Variants in NEK10 observed in about 807,000 individuals in gnomAD.
The protein encoded by NEK10 is serine/threonine-protein kinase Nek10.
NEK10 carries 122 observed loss-of-function variants against 159.8 expected under a neutral mutation model. The ratio of observed to expected loss-of-function variants is 0.76; its 90% CI spans 0.66 to 0.89. The LOEUF is 0.89. Ranked by LOEUF, NEK10 falls within the 40% of genes least tolerant of loss-of-function variation. NEK10 has a pLI of 0.00. For missense variants in NEK10, 1,342 were observed against 1,323.1 expected, an observed-to-expected ratio of 1.01 and a Z score of -0.22; for synonymous variants, 466 against 457.1, an observed-to-expected ratio of 1.02 and a Z score of -0.25.
At chr3:27,131,318 T>G (rs1230716508) in intron 32 of NEK10, among the ~76,000 whole-genome samples, 1 of 152,206 alleles carries the variant, frequency 6.6e-6, no homozygotes, top group Non-Finnish European at 1.5e-5. Context: ...CAATATCAAG[T>G]TTTGTTAACC....
rs190414200 is a variant in NEK10, at chr3:27,304,238, T to G, written c.1028+509A>C. ...CTAGAGTTAGTAACATGGCAACCAC[T>G]TGATTAATGATATCATCTTTCAAAA... is the stretch of plus-strand genomic sequence containing the variant. On this transcript the variant is annotated intron_variant, in intron 12 of 35. Transcript: ENST00000691995. 3.3e-5 allele frequency among the ~76,000 whole-genome samples: 5 copies of G among 152,322 alleles called. No individual in the cohort carries two copies. In the East Asian group the frequency reaches 9.6e-4, roughly 29 times the overall value.
intron 30 of NEK10, among the ~76,000 whole-genome samples, chr3:27,153,847 G>A (rs1031212984): frequency 6.6e-6 from 1 of 151,980 alleles, no homozygotes; most frequent in African/African-American, 2.4e-5. Flanking sequence ...CAACTACATC[G>A]AAAAGACTGA....
intron 22 of NEK10, 102 bp downstream of exon 22, chr3:27,284,500 A>G (rs1285212154): frequency 8.6e-6 from 6 of 698,344 alleles, no homozygotes; most frequent in South Asian, 1.7e-5. Context: ...CAGCATAGAC[A>G]AAGAACATTC....
At position 27,218,877 on chromosome 3, in the gene NEK10, T is replaced by A. The variant is rs182223476; in HGVS notation, c.2091-16320A>T. ...GCCCAATGAAAGACATCTGCACAATTCTCAGGTAACATTGTGCTTCACGGT... is the reference window on the plus strand; with the variant it reads ...GCCCAATGAAAGACATCTGCACAATACTCAGGTAACATTGTGCTTCACGGT... On this transcript the variant is annotated intron_variant, in intron 23 of 35. Transcript: ENST00000691995. Among the ~76,000 whole-genome samples the A allele has an allele frequency of 1.3e-3, 194 of 152,158 alleles. 1 individual carries two copies. Among genetic ancestry groups the A allele is most frequent in the Non-Finnish European group, 2.1e-3 (140 of 67,994 alleles).
At chr3:27,231,782 G>T (rs192397726) in intron 23 of NEK10, among the ~76,000 whole-genome samples, 1 of 151,252 alleles carries the variant, frequency 6.6e-6, no homozygotes, top group South Asian at 2.1e-4. Context: ...ACAACTCTCC[G>T]AGATCAAATA....
Position 27,174,503 on chromosome 3 carries a change from A to T in NEK10, c.2712T>A (p.Asp904Glu). The change falls in exon 28 of 36, where the codon GAT becomes GAA. Residue 904 changes from aspartate to glutamate, a missense_variant. Asp to Glu is a conservative substitution (Grantham distance 45). Coordinates refer to ENST00000691995, the MANE Select transcript of NEK10 (RefSeq NM_001394966.1). ...TGGAGTTATCCGAAATGTCCAATTC[A>T]TCATCTACCTCTGAATATGTATCTG... ...AEKDTYSEVD[D>E]ELDISDNSSS... 1 of 1,612,298 alleles carries T rather than the reference A, an allele frequency of 6.2e-7. No individual in the cohort carries two copies. The highest frequency in any genetic ancestry group is 8.5e-7 in the Non-Finnish European group (1 of 1,179,594).
chr3:27,358,305 A>G (rs2048456268), intron 1 of NEK10, among the ~76,000 whole-genome samples: 1 of 152,206 alleles, frequency 6.6e-6, no homozygotes, highest in Admixed American at 6.5e-5. Flanking sequence ...TGTACACCTC[A>G]GTCATGGGAC....
At chr3:27,159,411 A>C (rs934613756) in intron 30 of NEK10, among the ~76,000 whole-genome samples, 3 of 152,178 alleles carry the variant, frequency 2.0e-5, no homozygotes, top group Non-Finnish European at 4.4e-5. Context: ...AAATTGAGTT[A>C]GTCGATGTAA....
At chr3:27,319,681 G>T in intron 6 of NEK10, among the ~76,000 whole-genome samples, 1 of 152,138 alleles carries the variant, frequency 6.6e-6, no homozygotes, top group East Asian at 1.9e-4. Context: ...ATAGAGAGCG[G>T]GTAGAAGGGA....
chr3:27,173,003 C>T (rs1382743863), intron 28 of NEK10, among the ~76,000 whole-genome samples: 1 of 152,124 alleles, frequency 6.6e-6, no homozygotes, highest in African/African-American at 2.4e-5. Context: ...TGGCTTTATT[C>T]ATGGTAAACC....
intron 32 of NEK10, among the ~76,000 whole-genome samples, chr3:27,124,106 A>T (rs1281471048): frequency 6.6e-6 from 1 of 152,144 alleles, no homozygotes; most frequent in Non-Finnish European, 1.5e-5. Flanking sequence ...GGTTGGGAAC[A>T]TCAGGGTGAA....
intron 2 of NEK10, 54 bp downstream of exon 2, chr3:27,352,758 G>T: frequency 8.1e-7 from 1 of 1,227,878 alleles, no homozygotes; most frequent in Non-Finnish European, 1.2e-6. Flanking sequence ...CATTAAATCT[G>T]TTCAATGGCC....
intron 12 of NEK10, 107 bp from the exon 13 acceptor site, chr3:27,301,942 A>T: frequency 1.2e-6 from 1 of 819,074 alleles, no homozygotes; most frequent in Non-Finnish European, 2.0e-6. Flanking sequence ...TCATGAAGGC[A>T]TCATTATTGT....
At chr3:27,180,982 C>G (rs567846929) in intron 26 of NEK10, among the ~76,000 whole-genome samples, 2 of 152,242 alleles carry the variant, frequency 1.3e-5, no homozygotes, top group East Asian at 1.9e-4. Flanking sequence ...CTTCACCGCA[C>G]GCTGGACACA....
At chr3:27,156,929 GATAT>G (rs4016654) in intron 30 of NEK10, among the ~76,000 whole-genome samples, 918 of 28,178 alleles carry the variant, frequency 0.033, 22 homozygotes, top group Middle Eastern at 0.12. Flanking sequence ...TAAAGAAACT[GATAT>G]ATATATATAT....
intron 19 of NEK10, among the ~76,000 whole-genome samples, chr3:27,288,144 T>C (rs191640188): frequency 4.3e-4 from 66 of 152,324 alleles, no homozygotes; most frequent in African/African-American, 1.5e-3. Flanking sequence ...TTCATTGTTC[T>C]TTACCTCTCT....
intron 23 of NEK10, among the ~76,000 whole-genome samples, chr3:27,234,725 A>G (rs1448789043): frequency 6.6e-6 from 1 of 152,098 alleles, no homozygotes; most frequent in Non-Finnish European, 1.5e-5. Context: ...TTCCCATGAA[A>G]CTATAATTTG....
chr3:27,216,861 G>A (rs1376853346), intron 23 of NEK10, among the ~76,000 whole-genome samples: 1 of 151,994 alleles, frequency 6.6e-6, no homozygotes, highest in Non-Finnish European at 1.5e-5. Flanking sequence ...AATAAGTTGG[G>A]GATAAATGCT....
At chr3:27,238,923 C>G (rs1954262145) in intron 23 of NEK10, among the ~76,000 whole-genome samples, 1 of 151,984 alleles carries the variant, frequency 6.6e-6, no homozygotes, top group African/African-American at 2.4e-5. Flanking sequence ...AGAGGTTTCC[C>G]ATTGGTTACT....
Sources: allele counts gnomAD v4.1 joint callset (sites outside exome capture counted in the v4.1 genomes callset), GRCh38; gene constraint gnomAD v4.1.1; transcripts MANE v1.5; gene names NCBI Gene and HGNC (gene_info 2026-07-23, HGNC 2026-07-21).